CHL1: variants seen among roughly 807,000 people sequenced by gnomAD.
The protein encoded by CHL1 is cell adhesion molecule L1 like, also known as neural cell adhesion molecule L1-like protein.
In CHL1, 96 loss-of-function variants were observed where a neutral mutation model predicts 141.9. That is an observed-to-expected ratio of 0.68 (90% CI 0.57 to 0.80). CHL1 has a LOEUF of 0.80. CHL1 is among the 30% of genes least tolerant of loss of function. The pLI, the probability that CHL1 is intolerant of heterozygous loss-of-function variation, is 0.00. For synonymous variants in CHL1, 613 were observed against 502.2 expected (o/e 1.22, Z -2.95); for missense variants, 1,820 against 1,457.2 (o/e 1.25, Z -4.05).
At chr3:263,339 A>G (rs1485283214) in intron 2 of CHL1, among the ~76,000 whole-genome samples, 3 of 152,152 alleles carry the variant, frequency 2.0e-5, no homozygotes, top group African/African-American at 7.2e-5. Flanking sequence ...GAAAAAGAAA[A>G]AAAAAAGCCA....
rs970488651 is a variant in CHL1, at chr3:408,720, A to T, written c.*3009A>T. On this transcript the variant is annotated 3_prime_UTR_variant, in exon 28 of 28. Transcript: ENST00000256509. ...GTGAGCAGTATGATTTGTACATGCC[A>T]TTGAAAATTATTAATCAGAAGAAAA... is the stretch of plus-strand genomic sequence containing the variant. The T allele has an allele frequency of 9.9e-5, 15 of 152,144 alleles. No individual in the cohort carries two copies. Among genetic ancestry groups the T allele is most frequent in the African/African-American group, 3.6e-4 (15 of 41,452 alleles). 9.4% of individuals were successfully genotyped at this position (152,144 alleles called of 1,614,324 possible).
intron 19 of CHL1, chr3:384,795 A>G (rs1707476595): frequency 6.6e-6 from 1 of 152,234 alleles, no homozygotes; most frequent in East Asian, 1.9e-4. Context: ...ATTTATTTCC[A>G]CAATTCATTC....
intron 2 of CHL1, among the ~76,000 whole-genome samples, chr3:315,710 T>C (rs1700106793): frequency 6.6e-6 from 1 of 152,088 alleles, no homozygotes; most frequent in African/African-American, 2.4e-5. Context: ...CTTATCCCAC[T>C]AGTCGTACTG....
At chr3:345,903 A>G (rs1305979846) in intron 9 of CHL1, among the ~76,000 whole-genome samples, 1 of 152,186 alleles carries the variant, frequency 6.6e-6, no homozygotes, top group African/African-American at 2.4e-5. Context: ...ATCTTATTTA[A>G]TATTTAATCA....
chr3:235,839 A>G (rs1005615467), intron 1 of CHL1, among the ~76,000 whole-genome samples: 3 of 152,178 alleles, frequency 2.0e-5, no homozygotes, highest in Non-Finnish European at 2.9e-5. Context: ...CTTTCGGTAT[A>G]CTATCTTTGA....
intron 2 of CHL1, among the ~76,000 whole-genome samples, chr3:289,852 G>T (rs1425051205): frequency 6.7e-6 from 1 of 149,716 alleles, no homozygotes; most frequent in African/African-American, 2.5e-5. Context: ...TGATGCTCAT[G>T]TGCTTTCGAG....
In CHL1 at chr3:319,772, G is replaced by T; in HGVS notation, c.-5G>T. The T allele has an allele frequency of 6.3e-7, 1 of 1,593,368 alleles. No individual in the cohort carries two copies. On this transcript the variant is annotated 5_prime_UTR_variant, in exon 3 of 28. Coordinates refer to ENST00000256509, the MANE Select transcript of CHL1 (RefSeq NM_006614.4). ...CTTACCGGGTTGTCTTCTTCCTGAA[G>T]AGCAATGGAGCCGCTTTTACTTGGA...
At chr3:263,946 C>T (rs562871395) in intron 2 of CHL1, among the ~76,000 whole-genome samples, 1 of 152,242 alleles carries the variant, frequency 6.6e-6, no homozygotes, top group African/African-American at 2.4e-5. Flanking sequence ...ATGACCTTTC[C>T]TTGTGTGTTT....
At chr3:292,092 G>A (rs560040922) in intron 2 of CHL1, among the ~76,000 whole-genome samples, 1 of 152,200 alleles carries the variant, frequency 6.6e-6, no homozygotes, top group Non-Finnish European at 1.5e-5. Context: ...CTTGTTCTTT[G>A]CTGCTCTGTA....
intron 2 of CHL1, among the ~76,000 whole-genome samples, chr3:315,129 C>T (rs1700063998): frequency 6.6e-6 from 1 of 152,154 alleles, no homozygotes; most frequent in Non-Finnish European, 1.5e-5. Context: ...ACTATCAACA[C>T]AATGATCATC....
rs143392897 is a variant in CHL1, at chr3:366,363, C to T, written c.1751+248C>T. ...GCACGTGCCTGTGATCCCAGCTACTCGAGAGGCTGGTGCACAAGAATCACT... is the reference window on the plus strand; with the variant it reads ...GCACGTGCCTGTGATCCCAGCTACTTGAGAGGCTGGTGCACAAGAATCACT... On this transcript the variant is annotated intron_variant, in intron 15 of 27. Coordinates refer to ENST00000256509, the MANE Select transcript of CHL1 (RefSeq NM_006614.4). Among the ~76,000 whole-genome samples the T allele has an allele frequency of 7.0e-3, 1,061 of 151,566 alleles. 9 individuals carry two copies. The highest frequency in any genetic ancestry group is 0.025 in the African/African-American group (1,012 of 41,262).
intron 2 of CHL1, among the ~76,000 whole-genome samples, chr3:281,044 T>C (rs762519303): frequency 1.1e-4 from 17 of 152,182 alleles, no homozygotes; most frequent in Non-Finnish European, 1.9e-4. Flanking sequence ...CATCTGACAA[T>C]GTCTAGATAC....
intron 2 of CHL1, among the ~76,000 whole-genome samples, chr3:312,947 A>G (rs984857124): frequency 1.3e-5 from 2 of 152,210 alleles, no homozygotes; most frequent in African/African-American, 4.8e-5. Context: ...AAGCATCCTG[A>G]GTAGAAAAAT....
rs1266707594 is a variant in CHL1 at position 205,166 on chromosome 3, A to G, written c.-175+8103A>G. Among the ~76,000 whole-genome samples, 6 of 146,128 alleles carry G rather than the reference A, an allele frequency of 4.1e-5. No individual in the cohort carries two copies. The East Asian group carries it at 1.2e-3, about 30-fold the overall frequency. On this transcript the variant is annotated intron_variant, in intron 1 of 27. Transcript: ENST00000256509. ...TGCCCAGGCTGGAGCGCTGGAGTAC[A>G]GTGGTATGGTCATCGCTCACTGCAA...
At position 274,110 on chromosome 3, in the gene CHL1, A is replaced by G. The variant is rs188661863; in HGVS notation, c.-95+29418A>G. 2.0e-3 allele frequency among the ~76,000 whole-genome samples: 303 copies of G among 152,282 alleles called. 3 individuals are homozygous for G. The highest frequency in any genetic ancestry group is 7.0e-3 in the African/African-American group (290 of 41,558). ...TTCTGTTCTCCATGCCAGTCTGAAAACAGAGAATTTGCATGTACTCATTTG... is the reference window on the plus strand; with the variant it reads ...TTCTGTTCTCCATGCCAGTCTGAAAGCAGAGAATTTGCATGTACTCATTTG... On this transcript the variant is annotated intron_variant, in intron 2 of 27. Transcript: ENST00000256509.
intron 10 of CHL1, among the ~76,000 whole-genome samples, chr3:351,595 T>C (rs979712701): frequency 6.6e-6 from 1 of 152,162 alleles, no homozygotes; most frequent in African/African-American, 2.4e-5. Flanking sequence ...CATTAAATAA[T>C]AAGGATTTGC....
intron 15 of CHL1, among the ~76,000 whole-genome samples, chr3:372,340 C>A (rs1705741706): frequency 1.3e-5 from 2 of 152,090 alleles, no homozygotes; most frequent in Non-Finnish European, 2.9e-5. Context: ...TGTCTGCACA[C>A]TGTATTTCAG....
chr3:203,613 T>G (rs1323654794), intron 1 of CHL1, among the ~76,000 whole-genome samples: 1 of 152,212 alleles, frequency 6.6e-6, no homozygotes, highest in African/African-American at 2.4e-5. Flanking sequence ...CCCCTTGTCC[T>G]GAAGGGATAA....
In CHL1 at chr3:389,357, A is replaced by T. The variant is rs1708039733; in HGVS notation, c.2353A>T (p.Thr785Ser). The T allele has an allele frequency of 1.9e-6, 3 of 1,614,196 alleles. No individual in the cohort carries two copies. The highest frequency in any genetic ancestry group is 2.5e-6 in the Non-Finnish European group (3 of 1,180,024). ...GGAAGAAGAAACAGTCACAAACCAC[A>T]CATTGCGGGTGATGACGCCTGCTGT... ...EWEEETVTNH[T>S]LRVMTPAVYA... Residue 785 changes from threonine to serine, a missense_variant, in exon 20 of 28, where the codon ACA becomes TCA. Physicochemically the swap from Thr to Ser is moderately conservative, Grantham distance 58 (BLOSUM62 1). Coordinates refer to ENST00000256509, the MANE Select transcript of CHL1 (RefSeq NM_006614.4).
Sources: allele counts gnomAD v4.1 joint callset (sites outside exome capture counted in the v4.1 genomes callset), GRCh38; gene constraint gnomAD v4.1.1; transcripts MANE v1.5; gene names NCBI Gene and HGNC (gene_info 2026-07-23, HGNC 2026-07-21).